PAPPA2: variants seen among roughly 807,000 people sequenced by gnomAD.
PAPPA2 encodes pappalysin-2.
PAPPA2 carries 86 observed loss-of-function variants against 176.4 expected under a neutral mutation model. The observed-to-expected ratio is 0.49, with a 90% CI of 0.41 to 0.58. The LOEUF (loss-of-function observed/expected upper bound fraction) is 0.58. PAPPA2 is among the 20% of genes least tolerant of loss of function. The pLI is 0.00. For missense variants in PAPPA2, 2,073 were observed against 2,256.9 expected, an observed-to-expected ratio of 0.92 and a Z score of 1.65; for synonymous variants, 809 against 852.2, an observed-to-expected ratio of 0.95 and a Z score of 0.88.
At chr1:176,833,626 G>C (rs1265153507) in intron 21 of PAPPA2, among the ~76,000 whole-genome samples, 1 of 152,040 alleles carries the variant, frequency 6.6e-6, no homozygotes, top group African/African-American at 2.4e-5. Context: ...AGAGAATATT[G>C]TTAGGTTTTA....
intron 2 of PAPPA2, among the ~76,000 whole-genome samples, chr1:176,573,238 G>A (rs745448680): frequency 3.9e-5 from 6 of 152,198 alleles, no homozygotes; most frequent in African/African-American, 1.2e-4. Context: ...TGCATTTGGG[G>A]ATGTAGATCC....
rs540260197 is a variant in PAPPA2 at position 176,582,628 on chromosome 1, GT to G, written c.920-11887del. Among the ~76,000 whole-genome samples the G allele has an allele frequency of 7.2e-4, 104 of 144,708 alleles. 1 individual carries two copies. In the South Asian group the frequency reaches 8.7e-3, roughly 12 times the overall value. The allele number at this position is 144,708 out of a possible 152,430, so 94.9% of individuals were successfully genotyped here. The stretch of plus-strand genomic sequence containing the variant: ...TGAATCCCACTTGATCATAGTGTAT[GT>G]TTTTTTTTATGTGCTGTTAGATTTG... On this transcript the variant is annotated intron_variant, in intron 2 of 22. Coordinates refer to ENST00000367662, the MANE Select transcript of PAPPA2 (RefSeq NM_020318.3).
intron 12 of PAPPA2, 130 bp downstream of exon 12, chr1:176,712,111 T>A: frequency 2.6e-6 from 3 of 1,143,096 alleles, no homozygotes; most frequent in Non-Finnish European, 3.6e-6. Flanking sequence ...TATCTCAAAG[T>A]GTTAATATTT....
intron 21 of PAPPA2, among the ~76,000 whole-genome samples, chr1:176,804,992 A>C (rs1371577894): frequency 6.6e-6 from 1 of 152,180 alleles, no homozygotes; most frequent in Non-Finnish European, 1.5e-5. Flanking sequence ...TGGGGTAATA[A>C]TTGAAGTGAG....
intron 1 of PAPPA2, among the ~76,000 whole-genome samples, chr1:176,465,514 GT>G (rs1229988643): frequency 6.6e-6 from 1 of 151,914 alleles, no homozygotes; most frequent in Non-Finnish European, 1.5e-5. Flanking sequence ...TATATCACCT[GT>G]TTTTTCTTCA....
At chr1:176,557,921 A>G (rs904937003) in intron 2 of PAPPA2, among the ~76,000 whole-genome samples, 1 of 152,232 alleles carries the variant, frequency 6.6e-6, no homozygotes, top group Non-Finnish European at 1.5e-5. Context: ...GACCTAAAAA[A>G]TGAAACTTTT....
At chr1:176,716,231 C>CTTTCT (rs1553396780) in intron 12 of PAPPA2, among the ~76,000 whole-genome samples, 2 of 133,234 alleles carry the variant, frequency 1.5e-5, no homozygotes, top group African/African-American at 5.6e-5. Context: ...TAACCTCTTT[C>CTTTCT]TTTTTTTTTT....
chr1:176,555,000 TGA>T (rs59521055), intron 1 of PAPPA2, among the ~76,000 whole-genome samples: 12,726 of 145,350 alleles, frequency 0.088, 753 homozygotes, highest in African/African-American at 0.17. Context: ...TGTGTGTGTG[TGA>T]GAGAGAGAGA....
chr1:176,841,515 A>G (rs1667488398), intron 22 of PAPPA2, among the ~76,000 whole-genome samples: 1 of 152,102 alleles, frequency 6.6e-6, no homozygotes, highest in Admixed American at 6.6e-5. Flanking sequence ...TGATATGCCT[A>G]TTTATTTTTA....
intron 2 of PAPPA2, among the ~76,000 whole-genome samples, chr1:176,577,065 G>A (rs1652688677): frequency 6.6e-6 from 1 of 152,134 alleles, no homozygotes; most frequent in African/African-American, 2.4e-5. Flanking sequence ...TGGTGCTTCT[G>A]ATTTAGCTCC....
intron 10 of PAPPA2, among the ~76,000 whole-genome samples, chr1:176,707,542 T>C (rs1259064917): frequency 2.0e-5 from 3 of 152,210 alleles, no homozygotes; most frequent in Non-Finnish European, 4.4e-5. Context: ...TACCAAAGCA[T>C]GACAGATGAG....
At position 176,654,780 on chromosome 1, in the gene PAPPA2, G is replaced by A. The variant is rs549311974; in HGVS notation, c.1992-16190G>A. Among the ~76,000 whole-genome samples the A allele has an allele frequency of 2.6e-5, 4 of 151,732 alleles. 1 individual carries two copies. Among genetic ancestry groups the A allele is most frequent in the Admixed American group, 1.3e-4 (2 of 15,192 alleles). On this transcript the variant is annotated intron_variant, in intron 3 of 22. Coordinates refer to ENST00000367662, the MANE Select transcript of PAPPA2 (RefSeq NM_020318.3). ...AGTATTTCATAGTCTTCTGTGTACAGACCTTTCACTTATGTGGCTAAGTGT... is the reference window on the plus strand; with the variant it reads ...AGTATTTCATAGTCTTCTGTGTACAAACCTTTCACTTATGTGGCTAAGTGT...
chr1:176,668,546 A>G (rs1217673635), intron 3 of PAPPA2, among the ~76,000 whole-genome samples: 1 of 152,164 alleles, frequency 6.6e-6, no homozygotes, highest in Non-Finnish European at 1.5e-5. Context: ...GATTCTGGTC[A>G]TATTGGTTGA....
intron 1 of PAPPA2, among the ~76,000 whole-genome samples, chr1:176,501,043 T>A (rs1647930782): frequency 2.0e-5 from 3 of 148,980 alleles, no homozygotes; most frequent in Admixed American, 1.3e-4. Flanking sequence ...TATATAGGCA[T>A]ATACAATATA....
At chr1:176,543,290 C>G (rs1650458513) in intron 1 of PAPPA2, among the ~76,000 whole-genome samples, 3 of 152,094 alleles carry the variant, frequency 2.0e-5, no homozygotes, top group Admixed American at 6.5e-5. Context: ...CCATGCTGTC[C>G]CCAGCCCTGG....
intron 1 of PAPPA2, among the ~76,000 whole-genome samples, chr1:176,481,510 A>G (rs1305541621): frequency 6.6e-6 from 1 of 152,052 alleles, no homozygotes; most frequent in African/African-American, 2.4e-5. Context: ...TGCACTTGTG[A>G]CTGACTCAGG....
At chr1:176,817,401 T>C (rs1394923391) in intron 21 of PAPPA2, among the ~76,000 whole-genome samples, 2 of 152,062 alleles carry the variant, frequency 1.3e-5, no homozygotes, top group African/African-American at 4.8e-5. Context: ...GCTTGGGATG[T>C]AAACTTTTTC....
At chr1:176,577,253 C>T (rs575878874) in intron 2 of PAPPA2, among the ~76,000 whole-genome samples, 2 of 152,288 alleles carry the variant, frequency 1.3e-5, no homozygotes, top group African/African-American at 4.8e-5. Context: ...CCTGTTCTCT[C>T]AGGCAATCAC....
intron 14 of PAPPA2, among the ~76,000 whole-genome samples, chr1:176,762,071 C>A (rs2102901513): frequency 6.6e-6 from 1 of 152,208 alleles, no homozygotes; most frequent in South Asian, 2.1e-4. Context: ...GGTTGGGGTG[C>A]AAGGGAGAGA....
Sources: gnomAD v4.1 joint callset for allele counts (sites outside exome capture counted in the v4.1 genomes callset) on GRCh38, gnomAD v4.1.1 for gene constraint, MANE v1.5 for transcripts, NCBI Gene and HGNC (gene_info 2026-07-23, HGNC 2026-07-21) for gene names.